ANKRD7: variants seen among roughly 807,000 people sequenced by gnomAD.
ANKRD7 encodes ankyrin repeat domain-containing protein 7.
In ANKRD7, 30 loss-of-function variants were observed where a neutral mutation model predicts 30.8. The observed-to-expected ratio is 0.97, with a 90% CI of 0.73 to 1.32. ANKRD7 has a LOEUF of 1.32. Ranked by LOEUF, ANKRD7 falls within the 40% of genes most tolerant of loss-of-function variation. The pLI is 0.00. For synonymous variants in ANKRD7, 97 were observed against 106.6 expected (o/e 0.91, Z 0.55); for missense variants, 264 against 295.7 (o/e 0.89, Z 0.79).
At chr7:118,238,665 T>A (rs1809774635) in intron 5 of ANKRD7, among the ~76,000 whole-genome samples, 1 of 152,210 alleles carries the variant, frequency 6.6e-6, no homozygotes, top group African/African-American at 2.4e-5. Context: ...GGAATTATAT[T>A]TAAGTATTTA....
Position 118,239,544 on chromosome 7 carries a change from G to A in ANKRD7, c.713-365G>A, listed in dbSNP as rs2116026540. ...CTACCCCACTGGCACCTCAATAAAT[G>A]TGCAGCCGACAGAACCATGAGAAAA... On this transcript the variant is annotated intron_variant, in intron 5 of 6. Transcript: ENST00000265224. 2.0e-5 allele frequency among the ~76,000 whole-genome samples: 3 copies of A among 152,238 alleles called. No homozygotes were observed. In the East Asian group the frequency reaches 5.8e-4, roughly 29 times the overall value.
At chr7:118,237,069 C>CT in intron 5 of ANKRD7, 143 bp downstream of exon 5, 1 of 876,618 alleles carries the variant, frequency 1.1e-6, no homozygotes. Context: ...TTGATTTTCT[C>CT]TGTTTGTGGG....
intron 6 of ANKRD7, among the ~76,000 whole-genome samples, chr7:118,241,871 C>G (rs1305669674): frequency 1.3e-5 from 2 of 152,028 alleles, no homozygotes; most frequent in Non-Finnish European, 2.9e-5. Flanking sequence ...ACTCTTATTT[C>G]CTCTTCTCCT....
rs1809535531 is a variant in ANKRD7 at position 118,226,090 on chromosome 7, TA to T, written c.179+1085del. 5.9e-5 allele frequency among the ~76,000 whole-genome samples: 9 copies of T among 152,308 alleles called. No homozygotes were observed. In the South Asian group the frequency reaches 1.9e-3, roughly 32 times the overall value. On this transcript the variant is annotated intron_variant, in intron 1 of 6. Transcript: ENST00000265224. ...CACTGTCCTTACTTTGGTTACAATT[TA>T]AAAGAGACTTTGAGAATCTCCAAAC...
At chr7:118,238,216 A>G (rs1455548316) in intron 5 of ANKRD7, among the ~76,000 whole-genome samples, 1 of 152,184 alleles carries the variant, frequency 6.6e-6, no homozygotes, top group African/African-American at 2.4e-5. Flanking sequence ...CATTAATTTT[A>G]AAATACAAAC....
intron 1 of ANKRD7, among the ~76,000 whole-genome samples, chr7:118,225,832 A>AC (rs1298059449): frequency 6.6e-6 from 1 of 152,142 alleles, no homozygotes; most frequent in African/African-American, 2.4e-5. Flanking sequence ...CTTCATTGCT[A>AC]CCCATTACTT....
chr7:118,230,972 G>A (rs539516879), intron 1 of ANKRD7, among the ~76,000 whole-genome samples: 1 of 152,032 alleles, frequency 6.6e-6, no homozygotes, highest in South Asian at 2.1e-4. Flanking sequence ...CTGAAAATTG[G>A]AATTTCTGGT....
At chr7:118,226,329 C>A (rs1287046762) in intron 1 of ANKRD7, among the ~76,000 whole-genome samples, 4 of 151,872 alleles carry the variant, frequency 2.6e-5, no homozygotes, top group African/African-American at 9.7e-5. Context: ...ATACACTTAA[C>A]CCTTGAACAA....
chr7:118,225,098 T>C, intron 1 of ANKRD7, 89 bp downstream of exon 1: 1 of 1,414,940 alleles, frequency 7.1e-7, no homozygotes, highest in East Asian at 2.3e-5. Context: ...TGTTTGACAC[T>C]GATTGTCACT....
At chr7:118,232,247 A>T (rs1809654159) in intron 1 of ANKRD7, among the ~76,000 whole-genome samples, 1 of 152,074 alleles carries the variant, frequency 6.6e-6, no homozygotes, top group African/African-American at 2.4e-5. Context: ...AGGACACTTA[A>T]ATCTAAAATT....
chr7:118,227,661 A>G (rs189087577), intron 1 of ANKRD7, among the ~76,000 whole-genome samples: 5 of 152,288 alleles, frequency 3.3e-5, no homozygotes, highest in South Asian at 2.1e-4. Flanking sequence ...TTCCTCAATT[A>G]CATAATATCT....
chr7:118,234,383 T>C, intron 1 of ANKRD7, 48 bp from the exon 2 acceptor site: 1 of 1,345,860 alleles, frequency 7.4e-7, no homozygotes, highest in Admixed American at 2.2e-5. Flanking sequence ...AAGTAACTTC[T>C]CAAACGAAGA....
intron 1 of ANKRD7, among the ~76,000 whole-genome samples, chr7:118,230,408 C>A (rs1324952829): frequency 6.6e-6 from 1 of 151,570 alleles, no homozygotes; most frequent in Non-Finnish European, 1.5e-5. Flanking sequence ...TGTAACAAAC[C>A]TGCATATGTA....
intron 1 of ANKRD7, among the ~76,000 whole-genome samples, chr7:118,229,748 A>T (rs915467819): frequency 6.6e-6 from 1 of 152,104 alleles, no homozygotes; most frequent in Non-Finnish European, 1.5e-5. Context: ...CTACAGTCCA[A>T]TATTCCTATG....
At position 118,224,974 on chromosome 7, in the gene ANKRD7, G is replaced by A. The variant is rs10487391; in HGVS notation, c.144G>A (p.Lys48=). The part of the protein sequence containing the change: ...LKKLKEYLQI[K]KYDVNMQDKK... ...AGCTGAAGGAATACCTTCAGATCAA[G>A]AAATATGATGTAAATATGCAGGACA... Residue 48 remains lysine, a synonymous_variant, in exon 1 of 7, where the codon AAG becomes AAA. Coordinates refer to ENST00000265224, the MANE Select transcript of ANKRD7 (RefSeq NM_019644.4). 24,501 of 1,614,048 alleles carry A rather than the reference G, an allele frequency of 0.015. 509 individuals are homozygous for A. Among genetic ancestry groups the A allele is most frequent in the East Asian group, 0.077 (3,475 of 44,870 alleles).
Position 118,241,806 on chromosome 7 carries a change from T to C in ANKRD7, c.*38-543T>C, listed in dbSNP as rs552960217. 2.0e-5 allele frequency among the ~76,000 whole-genome samples: 3 copies of C among 152,258 alleles called. No individual in the cohort carries two copies. The South Asian group carries it at 6.2e-4, about 32-fold the overall frequency. ...CGCCAGCCTCGGCCTCCCAAAGTGC[T>C]ATAATTACATGCGTGAGCCACTGTG... On this transcript the variant is annotated intron_variant, in intron 6 of 6. Coordinates refer to ENST00000265224, the MANE Select transcript of ANKRD7 (RefSeq NM_019644.4).
chr7:118,239,275 G>A (rs1260988397), intron 5 of ANKRD7, among the ~76,000 whole-genome samples: 2 of 152,152 alleles, frequency 1.3e-5, no homozygotes, highest in Non-Finnish European at 2.9e-5. Context: ...ACCCTCTTGT[G>A]AACCGCTTTG....
chr7:118,233,678 G>T (rs1454159509), intron 1 of ANKRD7, among the ~76,000 whole-genome samples: 1 of 152,020 alleles, frequency 6.6e-6, no homozygotes, highest in Non-Finnish European at 1.5e-5. Context: ...TAAGTTTCTT[G>T]TTTGGAACAT....
chr7:118,236,228 G>C (rs1317843308), intron 4 of ANKRD7, 81 bp downstream of exon 4: 1 of 769,722 alleles, frequency 1.3e-6, no homozygotes, highest in Non-Finnish European at 2.1e-6. Flanking sequence ...GTGTGTGTGT[G>C]TGTGTGTGTG....
Sources: allele counts gnomAD v4.1 joint callset (sites outside exome capture counted in the v4.1 genomes callset), GRCh38; gene constraint gnomAD v4.1.1; transcripts MANE v1.5; gene names NCBI Gene and HGNC (gene_info 2026-07-23, HGNC 2026-07-21).